The following GRIK2 variants were observed in gnomAD, a reference collection of about 807,000 sequenced individuals.
GRIK2 encodes glutamate ionotropic receptor kainate type subunit 2, also known as glutamate receptor ionotropic, kainate 2.
In GRIK2, 32 loss-of-function variants were observed where a neutral mutation model predicts 100.3. The observed-to-expected ratio is 0.32, with a 90% CI of 0.24 to 0.43. The LOEUF (loss-of-function observed/expected upper bound fraction) is 0.43. GRIK2 is among the 20% of genes least tolerant of loss of function. The pLI is 1.00. For synonymous variants in GRIK2, 417 were observed against 389.4 expected, an observed-to-expected ratio of 1.07 and a Z score of -0.83; for missense variants, 843 against 1,114.9, an observed-to-expected ratio of 0.76 and a Z score of 3.47.
intron 12 of GRIK2, among the ~76,000 whole-genome samples, chr6:101,901,461 A>T (rs1480651742): frequency 6.6e-6 from 1 of 151,232 alleles, no homozygotes; most frequent in Non-Finnish European, 1.5e-5. Flanking sequence ...CAGAAATCTT[A>T]TTATAAAATG....
chr6:101,663,001 T>A (rs1276611437), intron 4 of GRIK2, among the ~76,000 whole-genome samples: 1 of 152,150 alleles, frequency 6.6e-6, no homozygotes, highest in Non-Finnish European at 1.5e-5. Context: ...GATGATATTA[T>A]TTCTGGGACA....
rs114899847 is a variant in GRIK2, at chr6:101,564,592, G to A, written c.116-57357G>A. Among the ~76,000 whole-genome samples, 854 of 152,196 alleles carry A rather than the reference G, an allele frequency of 5.6e-3. 8 individuals are homozygous for A. The highest frequency in any genetic ancestry group is 0.019 in the African/African-American group (807 of 41,524). ...ATTTCAAATGTCTACTTGCCTTGGAGAGTTGACCAAACTGTCATCTCATTT... is the reference window on the plus strand; with the variant it reads ...ATTTCAAATGTCTACTTGCCTTGGAAAGTTGACCAAACTGTCATCTCATTT... On this transcript the variant is annotated intron_variant, in intron 2 of 16. Coordinates refer to ENST00000369134, the MANE Select transcript of GRIK2 (RefSeq NM_021956.5).
At chr6:101,676,443 A>T (rs1770846355) in intron 4 of GRIK2, among the ~76,000 whole-genome samples, 180 bp from the exon 5 acceptor site, 1 of 152,164 alleles carries the variant, frequency 6.6e-6, no homozygotes, top group African/African-American at 2.4e-5. Flanking sequence ...CAAGAAAATT[A>T]TGCGTTCTTG....
At chr6:101,887,651 A>C (rs895270770) in intron 11 of GRIK2, among the ~76,000 whole-genome samples, 12 of 152,152 alleles carry the variant, frequency 7.9e-5, no homozygotes, top group African/African-American at 2.9e-4. Context: ...ATGGCTATGG[A>C]AGCCTCAGGA....
Position 101,639,085 on chromosome 6 carries a change from G to A in GRIK2, c.541+12448G>A, listed in dbSNP as rs1178205312. 2.6e-5 allele frequency among the ~76,000 whole-genome samples: 4 copies of A among 152,124 alleles called. No individual in the cohort carries two copies. In the South Asian group the frequency reaches 6.2e-4, roughly 24 times the overall value. ...AGAGGGAGTCTCGCTCTGTCGCCAG[G>A]CTGGAATGCAGTGGCGCAATCTCGG... On this transcript the variant is annotated intron_variant, in intron 4 of 16. Transcript: ENST00000369134.
At chr6:101,874,813 G>A (rs143389956) in intron 11 of GRIK2, among the ~76,000 whole-genome samples, 1,645 of 151,946 alleles carry the variant, frequency 0.011, 32 homozygotes, top group African/African-American at 0.038. Flanking sequence ...GGTCCTTCAC[G>A]TTCCTTGTAA....
chr6:101,911,139 C>T (rs1358896547), intron 12 of GRIK2, among the ~76,000 whole-genome samples: 1 of 151,288 alleles, frequency 6.6e-6, no homozygotes, highest in Non-Finnish European at 1.5e-5. Flanking sequence ...GGATAAACTA[C>T]ATCTGGAAAA....
chr6:101,856,149 A>T (rs940066873), intron 10 of GRIK2, among the ~76,000 whole-genome samples: 6 of 152,292 alleles, frequency 3.9e-5, no homozygotes, highest in Non-Finnish European at 7.4e-5. Context: ...TGATGATTTC[A>T]AGTAGTAGTG....
intron 2 of GRIK2, among the ~76,000 whole-genome samples, chr6:101,418,570 A>G (rs1890274): frequency 0.81 from 123,620 of 152,144 alleles, 50,828 homozygotes; most frequent in East Asian, 0.97. Flanking sequence ...GTCACAAAAG[A>G]CATCTGTCCA....
intron 7 of GRIK2, among the ~76,000 whole-genome samples, chr6:101,736,287 C>G (rs1775626193): frequency 6.6e-6 from 1 of 152,192 alleles, no homozygotes; most frequent in Admixed American, 6.5e-5. Flanking sequence ...GCCCTTTTCT[C>G]ACAGCTCCAC....
chr6:101,669,151 T>C (rs1159074805), intron 4 of GRIK2, among the ~76,000 whole-genome samples: 2 of 152,204 alleles, frequency 1.3e-5, no homozygotes, highest in Non-Finnish European at 2.9e-5. Flanking sequence ...GTTTGTTTTT[T>C]ACTATCATTA....
chr6:102,047,014 A>ATGAC (rs1770926325), intron 15 of GRIK2, among the ~76,000 whole-genome samples: 1 of 152,170 alleles, frequency 6.6e-6, no homozygotes, highest in South Asian at 2.1e-4. Context: ...ATTGAAACAA[A>ATGAC]TGACAGTAGA....
intron 2 of GRIK2, among the ~76,000 whole-genome samples, chr6:101,560,197 A>G (rs1320689899): frequency 6.6e-6 from 1 of 152,128 alleles, no homozygotes; most frequent in African/African-American, 2.4e-5. Flanking sequence ...ACGAGTGTCA[A>G]GAGACTGTGG....
At chr6:101,621,184 G>T (rs1015270803) in intron 2 of GRIK2, among the ~76,000 whole-genome samples, 2 of 152,142 alleles carry the variant, frequency 1.3e-5, no homozygotes, top group African/African-American at 4.8e-5. Context: ...ATGCACGGTG[G>T]CTCACTCCTG....
chr6:101,935,856 T>C (rs773024210), intron 14 of GRIK2, among the ~76,000 whole-genome samples: 5 of 152,022 alleles, frequency 3.3e-5, no homozygotes, highest in Admixed American at 6.6e-5. Flanking sequence ...TTTGCAGATC[T>C]AAACTAAAAC....
intron 2 of GRIK2, among the ~76,000 whole-genome samples, chr6:101,535,161 A>G (rs1775629241): frequency 6.6e-6 from 1 of 151,762 alleles, no homozygotes; most frequent in Non-Finnish European, 1.5e-5. Flanking sequence ...ACAGAATTCT[A>G]TTAATGTAAC....
At chr6:101,516,772 C>T (rs1774606614) in intron 2 of GRIK2, among the ~76,000 whole-genome samples, 1 of 152,142 alleles carries the variant, frequency 6.6e-6, no homozygotes, top group South Asian at 2.1e-4. Flanking sequence ...GGCTGCCTTC[C>T]CAGCAAAAGG....
At chr6:101,578,941 A>AT (rs1301344285) in intron 2 of GRIK2, among the ~76,000 whole-genome samples, 1 of 152,166 alleles carries the variant, frequency 6.6e-6, no homozygotes, top group Non-Finnish European at 1.5e-5. Flanking sequence ...AACTCCTACC[A>AT]TTTTCTGAGG....
At chr6:101,767,181 C>T (rs73512725) in intron 7 of GRIK2, among the ~76,000 whole-genome samples, 1,972 of 152,214 alleles carry the variant, frequency 0.013, 41 homozygotes, top group African/African-American at 0.044. Flanking sequence ...ATTAATTCTG[C>T]GGTTTATCAG....
Sources: gnomAD v4.1 joint callset for allele counts (sites outside exome capture counted in the v4.1 genomes callset) on GRCh38, gnomAD v4.1.1 for gene constraint, MANE v1.5 for transcripts, NCBI Gene and HGNC (gene_info 2026-07-23, HGNC 2026-07-21) for gene names.